Variants in FAM120A observed in about 807,000 individuals in gnomAD.
The protein encoded by FAM120A is family with sequence similarity 120 member A, also known as constitutive coactivator of PPAR-gamma-like protein 1.
FAM120A carries 15 observed loss-of-function variants against 109.7 expected under a neutral mutation model. That is an observed-to-expected ratio of 0.14 (90% confidence interval 0.09 to 0.21). The LOEUF (loss-of-function observed/expected upper bound fraction) is 0.21, where lower values mean the gene tolerates loss of function less well. Ranked by LOEUF, FAM120A falls within the 10% of genes least tolerant of loss-of-function variation. FAM120A has a pLI of 1.00. For missense variants in FAM120A, 899 were observed against 1,439.3 expected (o/e 0.62, Z 6.07); for synonymous variants, 493 against 572.8 (o/e 0.86, Z 1.99).
Position 93,451,705 on chromosome 9 carries a change from A to AGCG in FAM120A, c.-199_-197dup, listed in dbSNP as rs1299136962. The stretch of plus-strand genomic sequence containing the variant: ...TCGGCCTCGGCCTCGCAGCGGCGGC[A>AGCG]GCGGCGGCGGCGGCAGGTCCCTCCC... On this transcript the variant is annotated 5_prime_UTR_variant, in exon 1 of 18. Coordinates refer to ENST00000277165, the MANE Select transcript of FAM120A (RefSeq NM_014612.5). 27 of 970,586 alleles carry AGCG rather than the reference A, an allele frequency of 2.8e-5. No individual in the cohort carries two copies. In the East Asian group the frequency reaches 3.9e-4, roughly 14 times the overall value. 60.1% of individuals were successfully genotyped at this position (970,586 alleles called of 1,614,324 possible).
intron 3 of FAM120A, among the ~76,000 whole-genome samples, chr9:93,494,833 T>A (rs1859500806): frequency 6.6e-6 from 1 of 152,160 alleles, no homozygotes; most frequent in Non-Finnish European, 1.5e-5. Context: ...GATCGAGGAC[T>A]GGCCTCTGGC....
At chr9:93,462,136 T>G (rs1022498102) in intron 1 of FAM120A, among the ~76,000 whole-genome samples, 1 of 152,220 alleles carries the variant, frequency 6.6e-6, no homozygotes, top group Non-Finnish European at 1.5e-5. Flanking sequence ...GGAAGTTAAT[T>G]TTGGAGCCAA....
chr9:93,519,423 A>C (rs1335595223), intron 7 of FAM120A, among the ~76,000 whole-genome samples: 1 of 151,964 alleles, frequency 6.6e-6, no homozygotes, highest in Non-Finnish European at 1.5e-5. Context: ...TTGTATTTTT[A>C]GTAGAGATGA....
intron 2 of FAM120A, 90 bp downstream of exon 2, chr9:93,471,477 T>C: frequency 1.3e-6 from 2 of 1,501,694 alleles, no homozygotes; most frequent in South Asian, 1.2e-5. Context: ...TTGAATGTTT[T>C]GGATATGTAT....
At chr9:93,468,208 A>G (rs1858139816) in intron 1 of FAM120A, among the ~76,000 whole-genome samples, 1 of 152,164 alleles carries the variant, frequency 6.6e-6, no homozygotes, top group Non-Finnish European at 1.5e-5. Flanking sequence ...ATGAGGTTCT[A>G]CTGCATATTG....
intron 1 of FAM120A, among the ~76,000 whole-genome samples, chr9:93,468,407 CAT>C (rs528857296): frequency 1.3e-4 from 20 of 152,288 alleles, no homozygotes; most frequent in African/African-American, 3.1e-4. Flanking sequence ...GTTGGAGAGA[CAT>C]ATATGTAAAA....
At position 93,529,424 on chromosome 9, in the gene FAM120A, C is replaced by A; in HGVS notation, c.1578C>A (p.Val526=). 1 of 1,614,140 alleles carries A rather than the reference C, an allele frequency of 6.2e-7. No homozygotes were observed. The highest frequency in any genetic ancestry group is 8.5e-7 in the Non-Finnish European group (1 of 1,179,970). The part of the protein sequence containing the change: ...AEGKGSQMGT[V]QPIPCLLSMP... ...GCAAGGGAAGCCAGATGGGCACTGT[C>A]CAGCCAATCCCGTGCCTCCTGTCGA... The change falls in exon 9 of 18, where the codon GTC becomes GTA. Residue 526 remains valine, a synonymous_variant. Coordinates refer to ENST00000277165, the MANE Select transcript of FAM120A (RefSeq NM_014612.5).
At position 93,471,235 on chromosome 9, in the gene FAM120A, C is replaced by T; in HGVS notation, c.569C>T (p.Ala190Val). ...TTGGTTGCGTATGACTCTGATTATG[C>T]ACTGTGCAACATCCCCTACTATTTC... ...HGLVAYDSDY[A>V]LCNIPYYFSA... Residue 190 changes from alanine to valine, a missense_variant, in exon 2 of 18, where the codon GCA becomes GTA. Physicochemically the swap from Ala to Val is moderately conservative, Grantham distance 64. Transcript: ENST00000277165. 1 of 1,614,174 alleles carries T rather than the reference C, an allele frequency of 6.2e-7. No homozygotes were observed. Among genetic ancestry groups the T allele is most frequent in the Non-Finnish European group, 8.5e-7 (1 of 1,180,038 alleles).
rs150846834 is a variant in FAM120A at position 93,494,600 on chromosome 9, A to C, written c.805-2871A>C. 2.0e-3 allele frequency among the ~76,000 whole-genome samples: 311 copies of C among 152,284 alleles called. 1 individual carries two copies. Among genetic ancestry groups the C allele is most frequent in the African/African-American group, 6.9e-3 (287 of 41,542 alleles). ...CCATCTCACAATTTCTTGGTCGGGC[A>C]GCTCTGCAGGTTGCCAGTGGTCAGT... is the stretch of plus-strand genomic sequence containing the variant. On this transcript the variant is annotated intron_variant, in intron 3 of 17. Coordinates refer to ENST00000277165, the MANE Select transcript of FAM120A (RefSeq NM_014612.5).
chr9:93,523,557 T>G (rs1296185591), intron 7 of FAM120A, among the ~76,000 whole-genome samples: 1 of 152,236 alleles, frequency 6.6e-6, no homozygotes, highest in African/African-American at 2.4e-5. Flanking sequence ...TCTATATCAT[T>G]ACGTTGTGTT....
chr9:93,480,341 A>G (rs1858744942), intron 3 of FAM120A, among the ~76,000 whole-genome samples: 1 of 152,142 alleles, frequency 6.6e-6, no homozygotes. Flanking sequence ...GTTACTCCCT[A>G]TTCCTCGGGA....
At chr9:93,459,064 G>C (rs889324595) in intron 1 of FAM120A, among the ~76,000 whole-genome samples, 24 of 152,046 alleles carry the variant, frequency 1.6e-4, no homozygotes, top group Non-Finnish European at 1.8e-4. Context: ...TCCTACTTTT[G>C]CTCATCAAAA....
At position 93,472,114 on chromosome 9, in the gene FAM120A, G is replaced by A. The variant is rs187478451; in HGVS notation, c.721+727G>A. 5.7e-4 allele frequency among the ~76,000 whole-genome samples: 86 copies of A among 152,154 alleles called. 1 individual carries two copies. In the East Asian group the frequency reaches 0.011, roughly 20 times the overall value. On this transcript the variant is annotated intron_variant, in intron 2 of 17. Coordinates refer to ENST00000277165, the MANE Select transcript of FAM120A (RefSeq NM_014612.5). ...GTATTTACTAAAAATACAAAAATTA[G>A]CCGGGCATGGTGGTGGGCGCCTATA...
chr9:93,453,113 C>T (rs1857356725), intron 1 of FAM120A: 2 of 1,023,446 alleles, frequency 2.0e-6, no homozygotes, highest in Non-Finnish European at 2.3e-6. Context: ...GTCTTTAAGG[C>T]AGTTCGGTTT....
chr9:93,525,159 G>A (rs962285626), intron 7 of FAM120A, among the ~76,000 whole-genome samples: 5 of 151,958 alleles, frequency 3.3e-5, no homozygotes, highest in Non-Finnish European at 7.4e-5. Flanking sequence ...CAGTATGATT[G>A]TTAGAAGGTT....
intron 3 of FAM120A, among the ~76,000 whole-genome samples, chr9:93,487,877 T>A (rs1027487774): frequency 3.9e-5 from 6 of 152,314 alleles, no homozygotes; most frequent in African/African-American, 1.4e-4. Context: ...AGGCAGCCCC[T>A]CCATGTGGGC....
At position 93,500,496 on chromosome 9, in the gene FAM120A, A is replaced by G. The variant is rs1034991517; in HGVS notation, c.1030+1610A>G. Among the ~76,000 whole-genome samples, 6 of 151,960 alleles carry G rather than the reference A, an allele frequency of 3.9e-5. No individual in the cohort carries two copies. The highest frequency in any genetic ancestry group is 6.6e-5 in the Admixed American group (1 of 15,258). The stretch of plus-strand genomic sequence containing the variant: ...AATCTCTGCACACTCCTTGGCTTCT[A>G]TTTGTCACCACCACCACCCCTTCCC... On this transcript the variant is annotated intron_variant, in intron 5 of 17. Coordinates refer to ENST00000277165, the MANE Select transcript of FAM120A (RefSeq NM_014612.5). The surrounding 1 kb of genome is among the most constrained non-coding windows in gnomAD (Gnocchi z 4.6).
chr9:93,497,672 T>G, intron 4 of FAM120A, 73 bp downstream of exon 4: 1 of 1,508,654 alleles, frequency 6.6e-7, no homozygotes, highest in South Asian at 1.3e-5. Context: ...GTGGCCAGGT[T>G]TGGAAGAAGG....
rs1243787395 is a variant in FAM120A at position 93,564,804 on chromosome 9, C to T, written c.*264C>T. ...ACTCCCGCACTTAAAATGAAGTACA[C>T]ATAAAGTTTAAACTGGTTATGACAA... On this transcript the variant is annotated 3_prime_UTR_variant, in exon 18 of 18. Coordinates refer to ENST00000277165, the MANE Select transcript of FAM120A (RefSeq NM_014612.5). 2 of 369,884 alleles carry T rather than the reference C, an allele frequency of 5.4e-6. No individual in the cohort carries two copies. The highest frequency in any genetic ancestry group is 2.1e-5 in the African/African-American group (1 of 48,334). 22.9% of individuals were successfully genotyped at this position (369,884 alleles called of 1,614,324 possible). A position where few individuals can be genotyped will look rare whatever the true frequency, so the allele number is the denominator to read the frequency against.
Sources: gnomAD v4.1 joint callset for allele counts (sites outside exome capture counted in the v4.1 genomes callset) on GRCh38, gnomAD v4.1.1 for gene constraint, Gnocchi (gnomAD v3.1) non-coding constraint, MANE v1.5 for transcripts, NCBI Gene and HGNC (gene_info 2026-07-23, HGNC 2026-07-21) for gene names.